Variants in L3MBTL4 observed in about 807,000 individuals in gnomAD.
L3MBTL4 encodes lethal(3)malignant brain tumor-like protein 4.
A neutral mutation model predicts 84.5 loss-of-function variants in L3MBTL4; 70 were observed. The ratio of observed to expected loss-of-function variants is 0.83; its 90% CI spans 0.68 to 1.01. The LOEUF (loss-of-function observed/expected upper bound fraction) is 1.01, where lower values mean the gene tolerates loss of function less well. Among genes scored for constraint, L3MBTL4 ranks in the 50% least tolerant of loss-of-function variants. The probability of loss-of-function intolerance (pLI) is 0.00; values close to 1 mark genes in which losing one functional copy is unlikely to be tolerated. For synonymous variants in L3MBTL4, 274 were observed against 259.8 expected, an observed-to-expected ratio of 1.05 and a Z score of -0.52; for missense variants, 715 against 754.8, an observed-to-expected ratio of 0.95 and a Z score of 0.62.
chr18:6,371,998 C>T (rs2054177309), intron 1 of L3MBTL4, among the ~76,000 whole-genome samples: 3 of 152,208 alleles, frequency 2.0e-5, no homozygotes, highest in Non-Finnish European at 2.9e-5. Context: ...AGAGACAGTG[C>T]TCCTGGGCCC....
intron 13 of L3MBTL4, among the ~76,000 whole-genome samples, chr18:6,164,695 A>G (rs376745898): frequency 1.3e-5 from 2 of 152,216 alleles, no homozygotes; most frequent in East Asian, 3.9e-4. Context: ...ACCATCATCA[A>G]AGACCAAAGG....
intron 16 of L3MBTL4, among the ~76,000 whole-genome samples, chr18:6,052,034 T>G (rs189207694): frequency 6.6e-6 from 1 of 152,222 alleles, no homozygotes; most frequent in Admixed American, 6.5e-5. Flanking sequence ...GTGTTTCCCT[T>G]GCAGTTTCCC....
intron 14 of L3MBTL4, among the ~76,000 whole-genome samples, chr18:6,112,167 G>GCA (rs143210993): frequency 3.3e-4 from 50 of 151,984 alleles, no homozygotes; most frequent in African/African-American, 1.2e-3. Flanking sequence ...TACTGCAAAC[G>GCA]CACACACACA....
intron 16 of L3MBTL4, among the ~76,000 whole-genome samples, chr18:5,998,673 G>A (rs1940615): frequency 0.57 from 86,708 of 152,018 alleles, 25,596 homozygotes; most frequent in Non-Finnish European, 0.64. Flanking sequence ...TCTAAGTCAC[G>A]TGGGGAAGGG....
At chr18:6,139,708 C>T (rs979021175) in intron 13 of L3MBTL4, among the ~76,000 whole-genome samples, 3 of 152,118 alleles carry the variant, frequency 2.0e-5, no homozygotes, top group Non-Finnish European at 4.4e-5. Flanking sequence ...TCCCCATTTC[C>T]CAGCCCTGGT....
intron 1 of L3MBTL4, among the ~76,000 whole-genome samples, chr18:6,362,684 C>CA (rs2144042411): frequency 6.6e-6 from 1 of 152,294 alleles, no homozygotes; most frequent in East Asian, 1.9e-4. Context: ...GCACTTTTTC[C>CA]AATAAAACAC....
At chr18:5,960,774 G>A (rs1323541791) in intron 17 of L3MBTL4, 1 of 152,266 alleles carries the variant, frequency 6.6e-6, no homozygotes, top group Non-Finnish European at 1.5e-5. Context: ...TAGGCCCTAA[G>A]TTCTGGAGAA....
At chr18:5,980,175 AG>A (rs2053144805) in intron 16 of L3MBTL4, among the ~76,000 whole-genome samples, 1 of 152,204 alleles carries the variant, frequency 6.6e-6, no homozygotes, top group African/African-American at 2.4e-5. Context: ...GGGTGCTCTC[AG>A]GGCCAAGTGG....
intron 16 of L3MBTL4, among the ~76,000 whole-genome samples, chr18:5,996,423 C>T (rs574124105): frequency 1.2e-4 from 18 of 152,252 alleles, no homozygotes; most frequent in South Asian, 4.1e-4. Context: ...GTGAGCTGTA[C>T]GTTTTTGTTT....
chr18:6,349,108 T>C (rs2053058023), intron 1 of L3MBTL4, among the ~76,000 whole-genome samples: 1 of 152,194 alleles, frequency 6.6e-6, no homozygotes, highest in Non-Finnish European at 1.5e-5. Context: ...GTCATGTAAA[T>C]TAGAACAACC....
intron 4 of L3MBTL4, among the ~76,000 whole-genome samples, chr18:6,289,703 T>C (rs1316447543): frequency 1.3e-5 from 2 of 152,162 alleles, no homozygotes; most frequent in South Asian, 2.1e-4. Flanking sequence ...CTTTTTTTTT[T>C]CAGATCCTGT....
At position 6,005,480 on chromosome 18, in the gene L3MBTL4, T is replaced by C. The variant is rs373671653; in HGVS notation, c.1445-35918A>G. On this transcript the variant is annotated intron_variant, in intron 16 of 18. Transcript: ENST00000317931. ...CCTGATAAGTAGTTTTTAGATCTTC[T>C]CTCTCCTCCTATCTCCACCCTTAAG... Among the ~76,000 whole-genome samples, 11 of 152,310 alleles carry C rather than the reference T, an allele frequency of 7.2e-5. No homozygotes were observed. In the East Asian group the frequency reaches 2.1e-3, roughly 29 times the overall value.
chr18:6,271,709 G>A (rs1035069201), intron 4 of L3MBTL4, among the ~76,000 whole-genome samples: 1 of 152,234 alleles, frequency 6.6e-6, no homozygotes, highest in Admixed American at 6.5e-5. Context: ...GAGGTCAGGG[G>A]AGGCGCTTCC....
intron 1 of L3MBTL4, among the ~76,000 whole-genome samples, chr18:6,355,464 C>A (rs2053399131): frequency 6.6e-6 from 1 of 151,088 alleles, no homozygotes; most frequent in Non-Finnish European, 1.5e-5. Flanking sequence ...ACCTGAAAGT[C>A]AAAGAACTGG....
At chr18:5,967,421 G>A (rs1440585716) in intron 17 of L3MBTL4, among the ~76,000 whole-genome samples, 1 of 152,254 alleles carries the variant, frequency 6.6e-6, no homozygotes, top group Non-Finnish European at 1.5e-5. Context: ...GTGCACGTCT[G>A]CCATCACTAA....
At chr18:6,323,921 C>T (rs1156442100) in intron 1 of L3MBTL4, among the ~76,000 whole-genome samples, 1 of 152,198 alleles carries the variant, frequency 6.6e-6, no homozygotes, top group African/African-American at 2.4e-5. Flanking sequence ...CTGGCAGCCC[C>T]TCCCATCACA....
At chr18:6,284,645 T>C (rs1025159069) in intron 4 of L3MBTL4, among the ~76,000 whole-genome samples, 1 of 145,298 alleles carries the variant, frequency 6.9e-6, no homozygotes. Context: ...CTCTCCTCCA[T>C]GTCATCTGTG....
chr18:6,069,645 G>C (rs1452029236), intron 16 of L3MBTL4, among the ~76,000 whole-genome samples: 19 of 152,064 alleles, frequency 1.2e-4, no homozygotes, highest in Non-Finnish European at 1.2e-4. Context: ...GTTCCAGAAG[G>C]GAGTATAACT....
At position 6,071,815 on chromosome 18, in the gene L3MBTL4, G is replaced by GAAAAA. The variant is rs1231353188; in HGVS notation, c.1444+9065_1444+9066insTTTTT. Among the ~76,000 whole-genome samples, 99 of 116,218 alleles carry GAAAAA rather than the reference G, an allele frequency of 8.5e-4. 3 individuals carry two copies. Among genetic ancestry groups the GAAAAA allele is most frequent in the Admixed American group, 2.1e-3 (25 of 11,938 alleles). 76.2% of individuals were successfully genotyped at this position (116,218 alleles called of 152,430 possible). The stretch of plus-strand genomic sequence containing the variant: ...AAAGAAAGAAAGAAAAAGAAAGAAA[G>GAAAAA]GAAAGAAAGAAAGAAAGAAAGAGAA... On this transcript the variant is annotated intron_variant, in intron 16 of 18. Coordinates refer to ENST00000317931, the MANE Select transcript of L3MBTL4 (RefSeq NM_001330559.2).
Sources: gnomAD v4.1 joint callset for allele counts (sites outside exome capture counted in the v4.1 genomes callset) on GRCh38, gnomAD v4.1.1 for gene constraint, MANE v1.5 for transcripts, NCBI Gene and HGNC (gene_info 2026-07-23, HGNC 2026-07-21) for gene names.